The following SORCS3 variants were observed in gnomAD, a reference collection of about 807,000 sequenced individuals.
SORCS3 encodes the protein sortilin related VPS10 domain containing receptor 3, also known as VPS10 domain-containing receptor SorCS3.
In SORCS3, 57 loss-of-function variants were observed where a neutral mutation model predicts 146.3. The observed-to-expected ratio is 0.39, with a 90% confidence interval of 0.31 to 0.49. The LOEUF is 0.49. SORCS3 is among the 20% of genes least tolerant of loss of function. The probability of loss-of-function intolerance (pLI) is 0.92; values close to 1 mark genes in which losing one functional copy is unlikely to be tolerated. For synonymous variants in SORCS3, 653 were observed against 618.5 expected (o/e 1.06, Z -0.83); for missense variants, 1,341 against 1,575.5 (o/e 0.85, Z 2.52).
intron 1 of SORCS3, among the ~76,000 whole-genome samples, chr10:104,691,896 A>G (rs1327228918): frequency 6.6e-6 from 1 of 152,106 alleles, no homozygotes; most frequent in African/African-American, 2.4e-5. Flanking sequence ...GTGGACCACC[A>G]CACCTGGCTA....
chr10:104,783,228 A>T (rs1166916792), intron 1 of SORCS3, among the ~76,000 whole-genome samples: 1 of 152,056 alleles, frequency 6.6e-6, no homozygotes, highest in Non-Finnish European at 1.5e-5. Context: ...CTCTTTCCTT[A>T]CTTCCTCTCC....
intron 17 of SORCS3, among the ~76,000 whole-genome samples, chr10:105,212,285 G>C (rs1382087311): frequency 6.6e-6 from 1 of 152,196 alleles, no homozygotes; most frequent in African/African-American, 2.4e-5. Flanking sequence ...TAAGGCTCAA[G>C]GATCTTTGCT....
chr10:104,925,157 T>C (rs947495810), intron 3 of SORCS3, among the ~76,000 whole-genome samples: 8 of 152,344 alleles, frequency 5.3e-5, no homozygotes, highest in Non-Finnish European at 1.0e-4. Context: ...GAACATGCGA[T>C]GTTTGATTTT....
chr10:104,977,307 T>G, intron 3 of SORCS3, 28 bp from the exon 4 acceptor site: 1 of 1,551,208 alleles, frequency 6.4e-7, no homozygotes. Context: ...TAACTCTGTC[T>G]GTATATGTCC....
chr10:105,205,169 A>G (rs1021126001), intron 16 of SORCS3, among the ~76,000 whole-genome samples: 1 of 152,136 alleles, frequency 6.6e-6, no homozygotes, highest in Non-Finnish European at 1.5e-5. Flanking sequence ...CACCTAGTTC[A>G]GTCAGTTTGG....
rs188344663 is a variant in SORCS3, at chr10:104,696,540, A to G, written c.627+54586A>G. Among the ~76,000 whole-genome samples, 369 of 67,854 alleles carry G rather than the reference A, an allele frequency of 5.4e-3. 46 individuals are homozygous for G. The highest frequency in any genetic ancestry group is 6.0e-3 in the Non-Finnish European group (233 of 39,028). The allele number at this position is 67,854 out of a possible 152,430, so 44.5% of individuals were successfully genotyped here. ...ATAATATAGAATATATATTATATAC[A>G]TATATAATATAGAATATATAATATA... On this transcript the variant is annotated intron_variant, in intron 1 of 26. Coordinates refer to ENST00000369701, the MANE Select transcript of SORCS3 (RefSeq NM_014978.3).
At position 104,799,227 on chromosome 10, in the gene SORCS3, A is replaced by G. The variant is rs538979786; in HGVS notation, c.628-43565A>G. ...CCAAAGGATTATAAATCATTCTACA[A>G]TAAAGACACATACACACGTATGTTT... On this transcript the variant is annotated intron_variant, in intron 1 of 26. Coordinates refer to ENST00000369701, the MANE Select transcript of SORCS3 (RefSeq NM_014978.3). 1.5e-4 allele frequency among the ~76,000 whole-genome samples: 23 copies of G among 152,336 alleles called. No individual in the cohort carries two copies. The East Asian group carries it at 2.3e-3, about 15-fold the overall frequency.
chr10:105,232,095 A>G (rs1035313772), intron 20 of SORCS3, among the ~76,000 whole-genome samples: 2 of 152,150 alleles, frequency 1.3e-5, no homozygotes, highest in African/African-American at 4.8e-5. Flanking sequence ...TATTTTCTGA[A>G]AAATGATGTG....
At chr10:104,778,625 G>T (rs2017339423) in intron 1 of SORCS3, among the ~76,000 whole-genome samples, 1 of 152,202 alleles carries the variant, frequency 6.6e-6, no homozygotes, top group African/African-American at 2.4e-5. Flanking sequence ...GATGAGTCTG[G>T]TAGTGTGTTA....
intron 2 of SORCS3, among the ~76,000 whole-genome samples, chr10:104,857,401 G>A (rs1272387520): frequency 2.0e-5 from 3 of 152,128 alleles, no homozygotes; most frequent in Non-Finnish European, 2.9e-5. Context: ...TTAGTATGGG[G>A]AGAAATTGTA....
At chr10:105,193,610 A>G (rs898942964) in intron 14 of SORCS3, among the ~76,000 whole-genome samples, 1 of 152,202 alleles carries the variant, frequency 6.6e-6, no homozygotes, top group African/African-American at 2.4e-5. Context: ...CATTCCCTGT[A>G]GGCTATTTCT....
At chr10:104,953,790 G>A (rs74155073) in intron 3 of SORCS3, among the ~76,000 whole-genome samples, 6,632 of 152,276 alleles carry the variant, frequency 0.044, 181 homozygotes, top group East Asian at 0.14. Context: ...CTGGATGCCA[G>A]AGATAAAAAA....
intron 4 of SORCS3, among the ~76,000 whole-genome samples, chr10:104,997,084 T>C (rs919614440): frequency 6.6e-6 from 1 of 152,072 alleles, no homozygotes; most frequent in Non-Finnish European, 1.5e-5. Context: ...ATAGCTAAGA[T>C]TAGCAAGGGG....
intron 1 of SORCS3, among the ~76,000 whole-genome samples, chr10:104,697,491 G>C (rs1042923124): frequency 6.6e-6 from 1 of 152,194 alleles, no homozygotes. Flanking sequence ...GCGAGAAATT[G>C]CTTAGGTCTG....
intron 1 of SORCS3, among the ~76,000 whole-genome samples, chr10:104,837,458 G>A (rs1029281793): frequency 6.6e-6 from 1 of 152,150 alleles, no homozygotes; most frequent in Non-Finnish European, 1.5e-5. Flanking sequence ...GAAGAGAGAA[G>A]TGCTATTACT....
chr10:104,890,859 C>T (rs1028632668), intron 2 of SORCS3, among the ~76,000 whole-genome samples: 1 of 152,208 alleles, frequency 6.6e-6, no homozygotes, highest in African/African-American at 2.4e-5. Context: ...CTAATGCTCC[C>T]AGGATGCAGA....
chr10:104,849,951 G>A (rs894846207), intron 2 of SORCS3, among the ~76,000 whole-genome samples: 3 of 152,182 alleles, frequency 2.0e-5, no homozygotes, highest in African/African-American at 4.8e-5. Flanking sequence ...GAAAGTTAAC[G>A]TATTTCTTGG....
chr10:105,087,647 A>G (rs1291195172), intron 5 of SORCS3, among the ~76,000 whole-genome samples: 1 of 152,222 alleles, frequency 6.6e-6, no homozygotes, highest in Admixed American at 6.5e-5. Flanking sequence ...TTATTAATTC[A>G]GTAAACACTT....
intron 2 of SORCS3, among the ~76,000 whole-genome samples, chr10:104,909,500 T>A (rs532643567): frequency 6.2e-4 from 94 of 152,194 alleles, no homozygotes; most frequent in African/African-American, 2.1e-3. Flanking sequence ...GACTTCTGAC[T>A]GGTGAAAGAT....
Sources: allele counts gnomAD v4.1 joint callset (sites outside exome capture counted in the v4.1 genomes callset), GRCh38; gene constraint gnomAD v4.1.1; transcripts MANE v1.5; gene names NCBI Gene and HGNC (gene_info 2026-07-23, HGNC 2026-07-21).